OXR1: variants seen among roughly 807,000 people sequenced by gnomAD.
OXR1 encodes oxidation resistance 1, also known as oxidation resistance protein 1.
A neutral mutation model predicts 104.6 loss-of-function variants in OXR1; 41 were observed. The observed-to-expected ratio is 0.39, with a 90% confidence interval of 0.31 to 0.51. OXR1 has a LOEUF of 0.51. OXR1 is among the 20% of genes least tolerant of loss of function. The probability of loss-of-function intolerance (pLI) is 0.77; values close to 1 mark genes in which losing one functional copy is unlikely to be tolerated. For synonymous variants in OXR1, 348 were observed against 348.4 expected, an observed-to-expected ratio of 1.00 and a Z score of 0.01; for missense variants, 955 against 1,031.9, an observed-to-expected ratio of 0.93 and a Z score of 1.02.
At chr8:106,741,563 C>G (rs764046346) in intron 14 of OXR1, among the ~76,000 whole-genome samples, 1 of 152,038 alleles carries the variant, frequency 6.6e-6, no homozygotes, top group Non-Finnish European at 1.5e-5. Context: ...AAAATTAAGA[C>G]TATAAAGATA....
At chr8:106,359,981 A>G (rs1162218623) in intron 2 of OXR1, among the ~76,000 whole-genome samples, 1 of 152,134 alleles carries the variant, frequency 6.6e-6, no homozygotes, top group African/African-American at 2.4e-5. Flanking sequence ...CTAGCAAGCT[A>G]TATGGGTGGC....
At chr8:106,368,156 G>T (rs948463639) in intron 2 of OXR1, among the ~76,000 whole-genome samples, 1 of 152,074 alleles carries the variant, frequency 6.6e-6, no homozygotes, top group Non-Finnish European at 1.5e-5. Flanking sequence ...GACATGATCT[G>T]ATTTCTAAAT....
intron 1 of OXR1, among the ~76,000 whole-genome samples, chr8:106,280,896 G>T (rs1563692088): frequency 6.6e-6 from 1 of 152,160 alleles, no homozygotes; most frequent in Non-Finnish European, 1.5e-5. Flanking sequence ...GCTCATCCAT[G>T]AGTTCTTTCC....
chr8:106,707,297 G>A, intron 9 of OXR1, 152 bp downstream of exon 9: 1 of 703,702 alleles, frequency 1.4e-6, no homozygotes. Flanking sequence ...AGTATATACA[G>A]TCTCCAGTGT....
chr8:106,547,369 AG>A (rs1815440812), intron 3 of OXR1, among the ~76,000 whole-genome samples: 2 of 152,200 alleles, frequency 1.3e-5, no homozygotes, highest in South Asian at 4.1e-4. Context: ...TCACTATTCT[AG>A]GTACCTCATA....
chr8:106,532,219 A>G (rs1486586454), intron 3 of OXR1, among the ~76,000 whole-genome samples: 2 of 152,206 alleles, frequency 1.3e-5, no homozygotes, highest in Non-Finnish European at 2.9e-5. Context: ...TTATAGAGAG[A>G]TATTTCTAGC....
chr8:106,448,049 G>A, intron 2 of OXR1: 3 of 1,535,826 alleles, frequency 2.0e-6, no homozygotes, highest in Non-Finnish European at 2.6e-6. Flanking sequence ...ACAGCCCAGG[G>A]TAGGTGGGAT....
intron 11 of OXR1, among the ~76,000 whole-genome samples, chr8:106,736,139 C>G (rs957589273): frequency 6.5e-4 from 96 of 146,608 alleles, no homozygotes; most frequent in Non-Finnish European, 2.4e-4. Context: ...AATTGATAGG[C>G]AATGGGGAAC....
chr8:106,354,289 CA>C (rs933251830), intron 1 of OXR1, among the ~76,000 whole-genome samples: 18 of 152,252 alleles, frequency 1.2e-4, no homozygotes, highest in African/African-American at 4.1e-4. Flanking sequence ...TTGTAAAACT[CA>C]AAAGAGTCTA....
chr8:106,585,886 C>T (rs1477234601), intron 3 of OXR1, among the ~76,000 whole-genome samples: 1 of 152,134 alleles, frequency 6.6e-6, no homozygotes, highest in Non-Finnish European at 1.5e-5. Flanking sequence ...TATCCAGGTA[C>T]ATGTTACTAG....
chr8:106,521,660 AT>A (rs1241804831), intron 3 of OXR1, among the ~76,000 whole-genome samples: 13 of 152,168 alleles, frequency 8.5e-5, no homozygotes, highest in Admixed American at 5.2e-4. Flanking sequence ...CTACAGGCAC[AT>A]GCCACTATGC....
chr8:106,566,705 C>T (rs984033621), intron 3 of OXR1, among the ~76,000 whole-genome samples: 1 of 152,100 alleles, frequency 6.6e-6, no homozygotes, highest in Non-Finnish European at 1.5e-5. Context: ...CAATAGCAAA[C>T]ACTTGGAACC....
chr8:106,609,827 T>G (rs957663087), intron 3 of OXR1, among the ~76,000 whole-genome samples: 3 of 109,924 alleles, frequency 2.7e-5, no homozygotes, highest in Non-Finnish European at 5.5e-5. Context: ...TATATATGTG[T>G]GTGTGGTATG....
intron 1 of OXR1, among the ~76,000 whole-genome samples, chr8:106,302,308 C>T (rs902046532): frequency 1.3e-5 from 2 of 152,096 alleles, no homozygotes; most frequent in South Asian, 2.1e-4. Context: ...ATCAGCCGAG[C>T]GCGGTGGCTC....
At position 106,573,147 on chromosome 8, in the gene OXR1, A is replaced by C. The variant is rs537992448; in HGVS notation, c.220+54008A>C. Among the ~76,000 whole-genome samples the C allele has an allele frequency of 3.2e-4, 48 of 152,294 alleles. 1 individual carries two copies. The highest frequency in any genetic ancestry group is 1.1e-3 in the African/African-American group (46 of 41,546). ...TTACTAAATCTTTTTGTTGTATTCA[A>C]GTCCTCAAATGATAGGATGACGTCC... On this transcript the variant is annotated intron_variant, in intron 3 of 16. Transcript: ENST00000517566.
intron 2 of OXR1, among the ~76,000 whole-genome samples, chr8:106,382,090 A>G (rs778939117): frequency 2.6e-4 from 39 of 152,234 alleles, no homozygotes; most frequent in Non-Finnish European, 4.8e-4. Context: ...TATGGAAATC[A>G]GACTTTTAAC....
intron 2 of OXR1, among the ~76,000 whole-genome samples, chr8:106,416,410 T>C (rs1818680155): frequency 6.6e-6 from 1 of 152,124 alleles, no homozygotes; most frequent in African/African-American, 2.4e-5. Flanking sequence ...GGCTATCCAT[T>C]GGTATTTCTT....
At chr8:106,365,451 A>C (rs1479263283) in intron 2 of OXR1, among the ~76,000 whole-genome samples, 1 of 152,032 alleles carries the variant, frequency 6.6e-6, no homozygotes, top group Admixed American at 6.6e-5. Context: ...AAAGAATAGA[A>C]TAGCCAAAAC....
intron 2 of OXR1, among the ~76,000 whole-genome samples, chr8:106,413,894 T>C (rs1329334544): frequency 2.6e-5 from 4 of 151,952 alleles, no homozygotes; most frequent in Non-Finnish European, 4.4e-5. Flanking sequence ...CAGCTAACTT[T>C]TTAAAATATT....
Sources: allele counts gnomAD v4.1 joint callset (sites outside exome capture counted in the v4.1 genomes callset), GRCh38; gene constraint gnomAD v4.1.1; transcripts MANE v1.5; gene names NCBI Gene and HGNC (gene_info 2026-07-23, HGNC 2026-07-21).